Variants in TIAM2 observed in about 807,000 individuals in gnomAD.
TIAM2 encodes rho guanine nucleotide exchange factor TIAM2.
TIAM2 carries 80 observed loss-of-function variants against 152.9 expected under a neutral mutation model. That is an observed-to-expected ratio of 0.52 (90% CI 0.44 to 0.63). The LOEUF (loss-of-function observed/expected upper bound fraction) is 0.63. TIAM2 is among the 30% of genes least tolerant of loss of function. The pLI is 0.00. For missense variants in TIAM2, 1,965 were observed against 2,120.1 expected, an observed-to-expected ratio of 0.93 and a Z score of 1.44; for synonymous variants, 804 against 838.0, an observed-to-expected ratio of 0.96 and a Z score of 0.70.
At chr6:155,164,712 A>G in intron 8 of TIAM2, 112 bp downstream of exon 8, 1 of 1,320,948 alleles carries the variant, frequency 7.6e-7, no homozygotes, top group Non-Finnish European at 1.0e-6. Flanking sequence ...AACAACTGAC[A>G]CCTAGAGGCC....
intron 14 of TIAM2, among the ~76,000 whole-genome samples, chr6:155,188,478 G>A (rs771973459): frequency 6.6e-6 from 1 of 152,228 alleles, no homozygotes; most frequent in Non-Finnish European, 1.5e-5. Context: ...TCACAGTGGA[G>A]AGAGGAAATG....
intron 2 of TIAM2, among the ~76,000 whole-genome samples, chr6:155,098,365 T>G (rs1262896891): frequency 1.3e-5 from 2 of 152,224 alleles, no homozygotes; most frequent in Non-Finnish European, 2.9e-5. Context: ...ATCAGTGTGT[T>G]ACAGTTTTTA....
intron 5 of TIAM2, among the ~76,000 whole-genome samples, chr6:155,141,720 G>A (rs1425204898): frequency 6.6e-6 from 1 of 152,148 alleles, no homozygotes; most frequent in Admixed American, 6.5e-5. Context: ...GCAACAGACT[G>A]AGTGATAGTC....
chr6:155,151,778 A>G (rs1779974865), intron 7 of TIAM2, among the ~76,000 whole-genome samples: 1 of 152,040 alleles, frequency 6.6e-6, no homozygotes, highest in African/African-American at 2.4e-5. Context: ...TCAACAGTTT[A>G]CATGGAAAAT....
At chr6:155,080,252 G>A (rs903471158) in intron 1 of TIAM2, among the ~76,000 whole-genome samples, 1 of 151,926 alleles carries the variant, frequency 6.6e-6, no homozygotes, top group African/African-American at 2.4e-5. Context: ...GGGCCTTCTC[G>A]GTGGGCTGGT....
chr6:155,064,819 C>A (rs1195144354), intron 1 of TIAM2, among the ~76,000 whole-genome samples: 1 of 152,160 alleles, frequency 6.6e-6, no homozygotes, highest in Non-Finnish European at 1.5e-5. Context: ...CTCTCCCTTT[C>A]CCTTCCCTCC....
intron 1 of TIAM2, among the ~76,000 whole-genome samples, chr6:155,047,688 GGAGAGAGAGAGAGAGAGCGAGAGA>G (rs1562300094): frequency 2.7e-4 from 12 of 44,718 alleles, no homozygotes; most frequent in Admixed American, 1.5e-3. Flanking sequence ...GAGAGAGAGA[GGAGAGAGAGAGAGAGAGCGAGAGA>G]GAGAGAGAGA....
intron 14 of TIAM2, among the ~76,000 whole-genome samples, chr6:155,198,827 G>A (rs1296397196): frequency 6.6e-6 from 1 of 152,082 alleles, no homozygotes; most frequent in Non-Finnish European, 1.5e-5. Flanking sequence ...AGACTTTCTT[G>A]AGCCGAGGTC....
At chr6:155,155,233 G>A (rs1297631375) in intron 7 of TIAM2, among the ~76,000 whole-genome samples, 4 of 151,726 alleles carry the variant, frequency 2.6e-5, no homozygotes, top group African/African-American at 9.7e-5. Flanking sequence ...CTGGAGTGCA[G>A]TGGCATGGTC....
chr6:155,176,533 C>T (rs554637948), intron 9 of TIAM2, among the ~76,000 whole-genome samples: 5 of 152,312 alleles, frequency 3.3e-5, no homozygotes, highest in East Asian at 1.9e-4. Flanking sequence ...CGTTCCCAGC[C>T]GGATTGTGGT....
rs1439030693 is a variant in TIAM2 at position 155,156,319 on chromosome 6, T to A, written c.2028+7985T>A. 6.6e-6 allele frequency among the ~76,000 whole-genome samples: 1 copy of A among 152,174 alleles called. No individual in the cohort carries two copies. The highest frequency in any genetic ancestry group is 2.4e-5 in the African/African-American group (1 of 41,448). ...GAAGCCTCCGGTTTCGCCCTTCGTC[T>A]GATGCATCTTCCATACAACAGCCAG... On this transcript the variant is annotated intron_variant, in intron 7 of 26. Transcript: ENST00000682666. This position sits in a 1 kb window ranked among gnomAD's most constrained non-coding sequence, Gnocchi z 4.4.
At chr6:155,244,540 T>C in intron 17 of TIAM2, 118 bp from the exon 18 acceptor site, 1 of 1,285,282 alleles carries the variant, frequency 7.8e-7, no homozygotes, top group Non-Finnish European at 1.1e-6. Flanking sequence ...AAGGATTTAC[T>C]TTCTGTCTGC....
At chr6:155,065,970 GGAGGTA>G (rs1777685037) in intron 1 of TIAM2, among the ~76,000 whole-genome samples, 1 of 152,124 alleles carries the variant, frequency 6.6e-6, no homozygotes, top group South Asian at 2.1e-4. Context: ...GGAGGTATTT[GGAGGTA>G]TAAAGGTATT....
At chr6:155,217,673 T>C (rs1381965872) in intron 15 of TIAM2, among the ~76,000 whole-genome samples, 1 of 152,250 alleles carries the variant, frequency 6.6e-6, no homozygotes, top group Non-Finnish European at 1.5e-5. Flanking sequence ...CTAGTGTCGC[T>C]TTGGCAGGGA....
intron 15 of TIAM2, among the ~76,000 whole-genome samples, chr6:155,221,943 CTTAT>C (rs149311355): frequency 0.098 from 14,857 of 151,786 alleles, 794 homozygotes; most frequent in East Asian, 0.15. Context: ...TATTCTTCTT[CTTAT>C]TTATTTATTT....
At chr6:155,044,235 G>A (rs1453297561) in intron 1 of TIAM2, among the ~76,000 whole-genome samples, 1 of 152,126 alleles carries the variant, frequency 6.6e-6, no homozygotes, top group East Asian at 1.9e-4. Flanking sequence ...CAGTCACACA[G>A]GTTGTTCCTG....
intron 1 of TIAM2, among the ~76,000 whole-genome samples, chr6:155,019,901 A>C (rs1776439926): frequency 6.6e-6 from 1 of 152,132 alleles, no homozygotes; most frequent in Non-Finnish European, 1.5e-5. Flanking sequence ...AAACATACAA[A>C]AATTAGCCAG....
Position 155,125,764 on chromosome 6 carries a change from G to A in TIAM2, c.-117-1726G>A, listed in dbSNP as rs569861498. Among the ~76,000 whole-genome samples the A allele has an allele frequency of 6.6e-5, 10 of 152,086 alleles. No individual in the cohort carries two copies. In the East Asian group the frequency reaches 1.9e-3, roughly 29 times the overall value. On this transcript the variant is annotated intron_variant, in intron 2 of 26. Transcript: ENST00000682666. ...GAGGCAGGGGAGTCACTTGGACCTG[G>A]GAGGCGGAGGTTGCAGTGAGCCGAG...
chr6:155,223,791 G>A (rs1228481604), intron 15 of TIAM2, among the ~76,000 whole-genome samples: 2 of 152,126 alleles, frequency 1.3e-5, no homozygotes, highest in African/African-American at 4.8e-5. Context: ...GGACGCTCAG[G>A]TGGCTGTGGC....
Sources: gnomAD v4.1 joint callset for allele counts (sites outside exome capture counted in the v4.1 genomes callset) on GRCh38, gnomAD v4.1.1 for gene constraint, Gnocchi (gnomAD v3.1) non-coding constraint, MANE v1.5 for transcripts, NCBI Gene and HGNC (gene_info 2026-07-23, HGNC 2026-07-21) for gene names.